The following ADAMTS2 variants were observed in gnomAD, a reference collection of about 807,000 sequenced individuals.
The protein encoded by ADAMTS2 is A disintegrin and metalloproteinase with thrombospondin motifs 2.
In ADAMTS2, 50 loss-of-function variants were observed where a neutral mutation model predicts 123.0. The observed-to-expected ratio is 0.41, with a 90% confidence interval of 0.32 to 0.51. The LOEUF (loss-of-function observed/expected upper bound fraction) is 0.51. Among genes scored for constraint, ADAMTS2 ranks in the 20% least tolerant of loss-of-function variants. ADAMTS2 has a pLI of 0.35. For synonymous variants in ADAMTS2, 678 were observed against 695.4 expected, an observed-to-expected ratio of 0.98 and a Z score of 0.39; for missense variants, 1,494 against 1,705.2, an observed-to-expected ratio of 0.88 and a Z score of 2.18.
intron 10 of ADAMTS2, among the ~76,000 whole-genome samples, chr5:179,150,010 C>T (rs959463142): frequency 6.6e-6 from 1 of 152,230 alleles, no homozygotes; most frequent in Non-Finnish European, 1.5e-5. Flanking sequence ...GTTGCATCTG[C>T]TCACTGTCCT....
intron 2 of ADAMTS2, among the ~76,000 whole-genome samples, chr5:179,301,549 C>T (rs915784125): frequency 6.6e-6 from 1 of 152,238 alleles, no homozygotes; most frequent in African/African-American, 2.4e-5. Flanking sequence ...CAGCCCCGCA[C>T]TGGGACAGGG....
chr5:179,250,898 G>A (rs555484285), intron 3 of ADAMTS2, among the ~76,000 whole-genome samples: 4 of 152,178 alleles, frequency 2.6e-5, no homozygotes, highest in African/African-American at 7.2e-5. Context: ...CATCCTGCCC[G>A]CACATTGCTT....
chr5:179,287,848 C>A (rs747804021), intron 2 of ADAMTS2, among the ~76,000 whole-genome samples: 1 of 152,204 alleles, frequency 6.6e-6, no homozygotes, highest in South Asian at 2.1e-4. Flanking sequence ...ACGGACGTCC[C>A]CCTTAGAAGC....
intron 21 of ADAMTS2, among the ~76,000 whole-genome samples, chr5:179,119,866 CGAG>C (rs895190126): frequency 2.6e-4 from 39 of 152,252 alleles, no homozygotes; most frequent in Admixed American, 5.2e-4. Flanking sequence ...CTTTTCCTGA[CGAG>C]GAGACCTCCA....
At chr5:179,341,532 C>T (rs1757773035) in intron 2 of ADAMTS2, among the ~76,000 whole-genome samples, 1 of 150,152 alleles carries the variant, frequency 6.7e-6, no homozygotes, top group Non-Finnish European at 1.5e-5. Flanking sequence ...AACACCGTCT[C>T]TACTAAAAAT....
At chr5:179,173,837 C>A (rs1157038897) in intron 5 of ADAMTS2, among the ~76,000 whole-genome samples, 2 of 152,176 alleles carry the variant, frequency 1.3e-5, no homozygotes, top group South Asian at 2.1e-4. Context: ...CCTGGTGAAA[C>A]CCCATCTCTA....
chr5:179,121,759 A>C lies in ADAMTS2; in HGVS notation c.3089-9T>G, dbSNP rs776485241. 3.2e-6 allele frequency: 5 copies of C among 1,545,836 alleles called. No homozygotes were observed. The highest frequency in any genetic ancestry group is 1.9e-5 in the Admixed American group (1 of 53,954). On this transcript the variant is annotated splice_polypyrimidine_tract_variant and intron_variant, in intron 20 of 21. Coordinates refer to ENST00000251582, the MANE Select transcript of ADAMTS2 (RefSeq NM_014244.5). Reference sequence around the variant, plus strand: ...GGGATCTGAGATGTTTCCTAGAGGGAGGAGAGAGGGGCTGCGGCCGCAGGG... The same window carrying C: ...GGGATCTGAGATGTTTCCTAGAGGGCGGAGAGAGGGGCTGCGGCCGCAGGG...
intron 3 of ADAMTS2, among the ~76,000 whole-genome samples, chr5:179,220,165 C>T (rs896250215): frequency 6.6e-6 from 1 of 152,190 alleles, no homozygotes; most frequent in South Asian, 2.1e-4. Context: ...ATGGAGAGGC[C>T]GGCAGGTCTT....
chr5:179,294,872 T>C (rs1378798375), intron 2 of ADAMTS2, among the ~76,000 whole-genome samples: 1 of 152,200 alleles, frequency 6.6e-6, no homozygotes, highest in Non-Finnish European at 1.5e-5. Flanking sequence ...ACAACTCTTT[T>C]CCACCCCAAA....
rs1017374804 is a variant in ADAMTS2 at position 179,132,768 on chromosome 5, C to A, written c.2209+9G>T. 8 of 1,614,034 alleles carry A rather than the reference C, an allele frequency of 5.0e-6. 1 individual carries two copies. In the South Asian group the frequency reaches 8.8e-5, roughly 18 times the overall value. ...CAGGCTCCAGGGTGGAGAGCAGGGA[C>A]CCACTCACCATGCTTCTTGGGTGAC... is the stretch of plus-strand genomic sequence containing the variant. On this transcript the variant is annotated intron_variant, in intron 14 of 21. Transcript: ENST00000251582. This position sits in a 1 kb window ranked among gnomAD's most constrained non-coding sequence, Gnocchi z 6.1.
At position 179,304,748 on chromosome 5, in the gene ADAMTS2, A is replaced by T. The variant is rs916317758; in HGVS notation, c.535-31684T>A. ...ATCTAACTAACAGTCATGTCCCAGA[A>T]GGAGAAGAGAAAGAATGTATTACTA... On this transcript the variant is annotated intron_variant, in intron 2 of 21. Coordinates refer to ENST00000251582, the MANE Select transcript of ADAMTS2 (RefSeq NM_014244.5). Among the ~76,000 whole-genome samples, 3 of 152,230 alleles carry T rather than the reference A, an allele frequency of 2.0e-5. No individual in the cohort carries two copies. In the East Asian group the frequency reaches 5.8e-4, roughly 29 times the overall value.
rs575119761 is a variant in ADAMTS2, at chr5:179,162,560, G to A, written c.976-3681C>T. ...GAGCTGTTGCACACCATACCGTATG[G>A]GCCCCTCCTGGGGCCGTCACCCATG... On this transcript the variant is annotated intron_variant, in intron 5 of 21. Transcript: ENST00000251582. The surrounding 1 kb of genome is among the most constrained non-coding windows in gnomAD (Gnocchi z 5.1). Among the ~76,000 whole-genome samples, 1 of 152,248 alleles carries A rather than the reference G, an allele frequency of 6.6e-6. No homozygotes were observed. Among genetic ancestry groups the A allele is most frequent in the African/African-American group, 2.4e-5 (1 of 41,554 alleles).
chr5:179,154,153 G>A lies in ADAMTS2; in HGVS notation c.1278C>T (p.Gly426=), dbSNP rs746088783. The change falls in exon 8 of 22, where the codon GGC becomes GGT. Residue 426 remains glycine, a synonymous_variant. Coordinates refer to ENST00000251582, the MANE Select transcript of ADAMTS2 (RefSeq NM_014244.5). ...TGATGCTGCCCAGCCGCACCTCGTC[G>A]CCACAGCGGTTGCCCTGCCCGTCGT... The part of the protein sequence containing the change: ...MEHDGQGNRC[G]DEVRLGSIMA... The A allele has an allele frequency of 1.7e-5, 27 of 1,575,620 alleles. No homozygotes were observed. Among genetic ancestry groups the A allele is most frequent in the African/African-American group, 6.7e-5 (5 of 74,496 alleles).
Position 179,225,948 on chromosome 5 carries a change from A to T in ADAMTS2, c.689-18233T>A, listed in dbSNP as rs1219209423. ...CGCCTACAGACAGCTAAAGTAAAAG[A>T]GCACATGCAGCACACGCCCACTGGG... On this transcript the variant is annotated intron_variant, in intron 3 of 21. Coordinates refer to ENST00000251582, the MANE Select transcript of ADAMTS2 (RefSeq NM_014244.5). This position sits in a 1 kb window ranked among gnomAD's most constrained non-coding sequence, Gnocchi z 4.5. Among the ~76,000 whole-genome samples, 1 of 152,176 alleles carries T rather than the reference A, an allele frequency of 6.6e-6. No individual in the cohort carries two copies. The highest frequency in any genetic ancestry group is 1.5e-5 in the Non-Finnish European group (1 of 68,034).
At chr5:179,215,276 CT>C (rs1200114686) in intron 3 of ADAMTS2, among the ~76,000 whole-genome samples, 4 of 152,108 alleles carry the variant, frequency 2.6e-5, no homozygotes, top group Non-Finnish European at 4.4e-5. Context: ...TGGAGAAACC[CT>C]ATCTCTACTA....
chr5:179,195,781 C>T (rs1277811906), intron 4 of ADAMTS2, among the ~76,000 whole-genome samples: 1 of 152,236 alleles, frequency 6.6e-6, no homozygotes, highest in African/African-American at 2.4e-5. Context: ...CAGGGCCAGG[C>T]TGTAAGGCCA....
At chr5:179,122,180 A>G (rs1050381817) in intron 20 of ADAMTS2, among the ~76,000 whole-genome samples, 3 of 152,140 alleles carry the variant, frequency 2.0e-5, no homozygotes, top group Admixed American at 1.3e-4. Context: ...TCCCTCCTCT[A>G]TAGAAGGGAA....
chr5:179,301,918 G>A (rs1252363492), intron 2 of ADAMTS2, among the ~76,000 whole-genome samples: 5 of 152,240 alleles, frequency 3.3e-5, no homozygotes, highest in African/African-American at 9.6e-5. Flanking sequence ...GGAGAGGAGC[G>A]AGGGCAGGCC....
intron 2 of ADAMTS2, among the ~76,000 whole-genome samples, chr5:179,295,822 CCA>C (rs1333194057): frequency 6.6e-6 from 1 of 152,228 alleles, no homozygotes; most frequent in Non-Finnish European, 1.5e-5. Flanking sequence ...AGGCCACCTT[CCA>C]CACACGTCCT....
Sources: gnomAD v4.1 joint callset for allele counts (sites outside exome capture counted in the v4.1 genomes callset) on GRCh38, gnomAD v4.1.1 for gene constraint, Gnocchi (gnomAD v3.1) non-coding constraint, MANE v1.5 for transcripts, NCBI Gene and HGNC (gene_info 2026-07-23, HGNC 2026-07-21) for gene names.